The following STK26 variants were observed in gnomAD, a reference collection of about 807,000 sequenced individuals.
The protein encoded by STK26 is serine/threonine-protein kinase 26.
In STK26, 14 loss-of-function variants were observed where a neutral mutation model predicts 34.7. That is an observed-to-expected ratio of 0.40 (90% CI 0.27 to 0.63). STK26 has a LOEUF of 0.63. Among genes scored for constraint, STK26 ranks in the 30% least tolerant of loss-of-function variants. The pLI, the probability that STK26 is intolerant of heterozygous loss-of-function variation, is 0.38. For missense variants in STK26, 226 were observed against 309.1 expected (o/e 0.73, Z 2.02); for synonymous variants, 100 against 109.8 (o/e 0.91, Z 0.56).
At chrX:132,033,249 G>A (rs183138607) in intron 2 of STK26, among the ~76,000 whole-genome samples, 13 of 111,097 alleles carry the variant, frequency 1.2e-4, no homozygotes, top group Admixed American at 9.6e-4. Flanking sequence ...CATCATTATC[G>A]CTGCCCACTA....
intron 2 of STK26, among the ~76,000 whole-genome samples, chrX:132,026,151 G>A (rs1392015111): frequency 5.4e-5 from 6 of 112,058 alleles, no homozygotes; most frequent in Admixed American, 9.4e-5. Flanking sequence ...GAGGAGAGAC[G>A]TGAAGTAGAA....
intron 2 of STK26, among the ~76,000 whole-genome samples, chrX:132,052,944 C>G (rs939738174): frequency 2.7e-5 from 3 of 111,826 alleles, no homozygotes; most frequent in African/African-American, 9.7e-5. Flanking sequence ...CAAGGTATTA[C>G]AAAGCCAAGG....
intron 4 of STK26, among the ~76,000 whole-genome samples, chrX:132,066,209 A>T (rs1250575317): frequency 8.9e-6 from 1 of 112,121 alleles, no homozygotes; most frequent in Non-Finnish European, 1.9e-5. Context: ...CATTTTATTG[A>T]GTTTATTATG....
chrX:132,069,047 T>A (rs894118853), intron 6 of STK26, among the ~76,000 whole-genome samples: 3 of 110,324 alleles, frequency 2.7e-5, no homozygotes, highest in African/African-American at 9.9e-5. Context: ...TTATGTAAAT[T>A]TGCAACACCC....
At chrX:132,044,118 A>G (rs934590760) in intron 2 of STK26, among the ~76,000 whole-genome samples, 1 of 111,325 alleles carries the variant, frequency 9.0e-6, no homozygotes, top group African/African-American at 3.3e-5. Flanking sequence ...TTTAGGAGGG[A>G]CCCCAGGTAA....
At chrX:132,029,483 A>G (rs1925745647) in intron 2 of STK26, among the ~76,000 whole-genome samples, 1 of 110,053 alleles carries the variant, frequency 9.1e-6, no homozygotes. Context: ...ATCACATGAA[A>G]ACACTGCCAT....
At chrX:132,034,540 C>T (rs1189402278) in intron 2 of STK26, among the ~76,000 whole-genome samples, 2 of 110,138 alleles carry the variant, frequency 1.8e-5, no homozygotes, top group African/African-American at 3.3e-5. Context: ...GTGGTCCGCC[C>T]GCCTCGGCCT....
At chrX:132,073,835 A>C (rs1046359708) in intron 11 of STK26, among the ~76,000 whole-genome samples, 1 of 110,906 alleles carries the variant, frequency 9.0e-6, no homozygotes, top group Non-Finnish European at 1.9e-5. Context: ...GAAATCACAC[A>C]CTCTCAAAGA....
rs760076405 is a variant in STK26, at chrX:132,075,643, A to G, written c.*1484A>G. 8.9e-6 allele frequency: 1 copy of G among 111,775 alleles called. No homozygotes were observed. The highest frequency in any genetic ancestry group is 3.7e-4 in the South Asian group (1 of 2,701). The allele number at this position is 111,775 out of a possible 1,213,427, so 9.2% of individuals were successfully genotyped here. On this transcript the variant is annotated 3_prime_UTR_variant, in exon 12 of 12. Coordinates refer to ENST00000394334, the MANE Select transcript of STK26 (RefSeq NM_016542.4). ...TTATTTTTAATGCATTGTATTTTGAAGTAACGGTTCAGTTAAATTTTTCAC... is the reference window on the plus strand; with the variant it reads ...TTATTTTTAATGCATTGTATTTTGAGGTAACGGTTCAGTTAAATTTTTCAC...
chrX:132,047,644 C>T (rs1249704355), intron 2 of STK26, among the ~76,000 whole-genome samples: 3 of 109,805 alleles, frequency 2.7e-5, no homozygotes, highest in East Asian at 2.8e-4. Context: ...TAGTTATTGA[C>T]ATGGAAAAAA....
At position 132,075,365 on chromosome X, in the gene STK26, G is replaced by C; in HGVS notation, c.*1206G>C. 1 of 111,377 alleles carries C rather than the reference G, an allele frequency of 9.0e-6. No homozygotes were observed. Among genetic ancestry groups the C allele is most frequent in the South Asian group, 3.7e-4 (1 of 2,699 alleles). The allele number at this position is 111,377 out of a possible 1,213,427, so 9.2% of individuals were successfully genotyped here. A position where few individuals can be genotyped will look rare whatever the true frequency, so the allele number is the denominator to read the frequency against. ...GTATTTCAGTAGTTGTAGAATTATT[G>C]ATATTTAGTTTTGATAGCTAATGTT... On this transcript the variant is annotated 3_prime_UTR_variant, in exon 12 of 12. Transcript: ENST00000394334.
chrX:132,026,360 C>T (rs1425190731), intron 2 of STK26, among the ~76,000 whole-genome samples: 1 of 111,758 alleles, frequency 8.9e-6, no homozygotes, highest in Non-Finnish European at 1.9e-5. Flanking sequence ...ATTGTGGTAA[C>T]GAACATTTTT....
At position 132,023,534 on chromosome X, in the gene STK26, C is replaced by A; in HGVS notation, c.-84C>A. 1 of 1,109,521 alleles carries A rather than the reference C, an allele frequency of 9.0e-7. No individual in the cohort carries two copies. Among genetic ancestry groups the A allele is most frequent in the Non-Finnish European group, 1.2e-6 (1 of 821,702 alleles). The allele number at this position is 1,109,521 out of a possible 1,213,427, so 91.4% of individuals were successfully genotyped here. On this transcript the variant is annotated 5_prime_UTR_variant, in exon 2 of 12. Transcript: ENST00000394334. ...CCCCGATCGAAAAGCCTGGGAGGGC[C>A]GCCGAACTACCCCCGGAGGGAGGAG... is the stretch of plus-strand genomic sequence containing the variant.
intron 2 of STK26, among the ~76,000 whole-genome samples, chrX:132,045,565 T>C (rs1926470255): frequency 8.9e-6 from 1 of 112,331 alleles, no homozygotes; most frequent in African/African-American, 3.2e-5. Context: ...TTTCCTGACC[T>C]CTCTGCTCTC....
Position 132,073,053 on chromosome X carries a change from A to G in STK26, c.1186A>G (p.Thr396Ala), listed in dbSNP as rs1453446460. 2.5e-6 allele frequency: 3 copies of G among 1,204,762 alleles called. No homozygotes were observed. The East Asian group carries it at 8.9e-5, about 36-fold the overall frequency. Residue 396 changes from threonine (T) to alanine (A), a missense_variant, in exon 11 of 12, where the codon ACA becomes GCA. Thr to Ala is a moderately conservative substitution (Grantham distance 58). Transcript: ENST00000394334. Reference protein sequence around the residue: ...AVAEAACPGITDKMVKKLIEK... With the variant: ...AVAEAACPGIADKMVKKLIEK... Reference sequence around the variant, plus strand: ...GGCTGAAGCCGCCTGTCCCGGCATCACAGATAAAATGGTGAAGAAACTAAT... The same window carrying G: ...GGCTGAAGCCGCCTGTCCCGGCATCGCAGATAAAATGGTGAAGAAACTAAT...
chrX:132,048,329 T>G (rs183413175), intron 2 of STK26, among the ~76,000 whole-genome samples: 1 of 112,265 alleles, frequency 8.9e-6, no homozygotes, highest in East Asian at 2.8e-4. Flanking sequence ...GTTTACATTT[T>G]TCAAATTCTT....
intron 4 of STK26, among the ~76,000 whole-genome samples, chrX:132,066,238 A>G (rs1927216005): frequency 8.9e-6 from 1 of 112,125 alleles, no homozygotes; most frequent in South Asian, 3.7e-4. Context: ...CTTTCCAAAA[A>G]GAATCGTGGT....
intron 11 of STK26, among the ~76,000 whole-genome samples, chrX:132,073,854 T>G (rs1032541424): frequency 7.2e-5 from 8 of 111,620 alleles, no homozygotes; most frequent in African/African-American, 2.3e-4. Context: ...GATCTTTCTA[T>G]CTGATAAGGC....
intron 2 of STK26, among the ~76,000 whole-genome samples, chrX:132,046,248 G>A (rs780061858): frequency 1.8e-5 from 2 of 111,448 alleles, no homozygotes; most frequent in African/African-American, 6.5e-5. Flanking sequence ...GGTAAAAAGA[G>A]GAATGCAAGT....
Sources: gnomAD v4.1 joint callset for allele counts (sites outside exome capture counted in the v4.1 genomes callset) on GRCh38, gnomAD v4.1.1 for gene constraint, MANE v1.5 for transcripts, NCBI Gene and HGNC (gene_info 2026-07-23, HGNC 2026-07-21) for gene names.